Variants in FBXO11 observed in about 807,000 individuals in gnomAD.
FBXO11 encodes the protein F-box only protein 11.
Under a neutral mutation model 117.0 loss-of-function variants are expected in FBXO11, and 13 were observed. The ratio of observed to expected loss-of-function variants is 0.11; its 90% CI spans 0.07 to 0.18. The LOEUF is 0.18. FBXO11 is among the 10% of genes least tolerant of loss of function. The pLI, the probability that FBXO11 is intolerant of heterozygous loss-of-function variation, is 1.00. For synonymous variants in FBXO11, 490 were observed against 380.5 expected (o/e 1.29, Z -3.35); for missense variants, 767 against 1,164.4 (o/e 0.66, Z 4.97).
At chr2:47,877,152 C>A (rs900516650) in intron 1 of FBXO11, among the ~76,000 whole-genome samples, 5 of 151,822 alleles carry the variant, frequency 3.3e-5, no homozygotes, top group Non-Finnish European at 5.9e-5. Flanking sequence ...TCAGCCTCCT[C>A]AGTAGCATGG....
At chr2:47,855,507 A>G (rs1248608796) in intron 1 of FBXO11, among the ~76,000 whole-genome samples, 2 of 152,228 alleles carry the variant, frequency 1.3e-5, no homozygotes, top group African/African-American at 2.4e-5. Flanking sequence ...AGTGTACATA[A>G]GAAATTTCAA....
At chr2:47,832,516 G>A in intron 10 of FBXO11, 30 bp from the exon 11 acceptor site, 2 of 1,609,476 alleles carry the variant, frequency 1.2e-6, no homozygotes, top group Non-Finnish European at 1.7e-6. Context: ...ACAAACATCA[G>A]TAGAGCTTTT....
rs1038939116 is a variant in FBXO11, at chr2:47,906,486, C to A, written c.-766G>T. 2.0e-5 allele frequency among the ~76,000 whole-genome samples: 3 copies of A among 151,664 alleles called. No homozygotes were observed. The highest frequency in any genetic ancestry group is 6.6e-5 in the Admixed American group (1 of 15,262). On this transcript the variant is annotated 5_prime_UTR_variant, in exon 1 of 23. Transcript: ENST00000403359. ...GGAGGAGCCATTGACACCGCCGGAG[C>A]CTCCACTCGCCCAGTCGGTCCCTCC...
Position 47,870,213 on chromosome 2 carries a change from T to C in FBXO11, c.233-30444A>G, listed in dbSNP as rs144935394. On this transcript the variant is annotated intron_variant, in intron 1 of 22. Transcript: ENST00000403359. ...CTTCTCCAGAGAACCCTAATACACA[T>C]GGATTTTTAAATTAGTGTTATTGCT... Among the ~76,000 whole-genome samples the C allele has an allele frequency of 1.5e-3, 231 of 152,330 alleles. 1 individual carries two copies. The highest frequency in any genetic ancestry group is 5.2e-3 in the African/African-American group (217 of 41,578).
At chr2:47,882,423 G>A (rs1676499285) in intron 1 of FBXO11, among the ~76,000 whole-genome samples, 1 of 151,662 alleles carries the variant, frequency 6.6e-6, no homozygotes, top group Non-Finnish European at 1.5e-5. Flanking sequence ...CAATACGTAA[G>A]TTTCATCTCA....
At chr2:47,882,067 C>G (rs1039469041) in intron 1 of FBXO11, among the ~76,000 whole-genome samples, 11 of 152,042 alleles carry the variant, frequency 7.2e-5, no homozygotes, top group African/African-American at 2.4e-4. Flanking sequence ...GTCTTTATGT[C>G]TATATATAAA....
At chr2:47,860,300 A>G (rs1375483513) in intron 1 of FBXO11, among the ~76,000 whole-genome samples, 1 of 152,202 alleles carries the variant, frequency 6.6e-6, no homozygotes, top group Non-Finnish European at 1.5e-5. Context: ...AATCTCCAAC[A>G]GCCAGGGCAT....
At chr2:47,853,385 T>A (rs1388068009) in intron 1 of FBXO11, among the ~76,000 whole-genome samples, 2 of 152,108 alleles carry the variant, frequency 1.3e-5, no homozygotes, top group East Asian at 1.9e-4. Flanking sequence ...ATTAAAAAAA[T>A]AATAATAATA....
At chr2:47,836,975 TA>T in intron 4 of FBXO11, 2 of 381,894 alleles carry the variant, frequency 5.2e-6, no homozygotes, top group Non-Finnish European at 5.1e-6. Context: ...TGGGCTCAAG[TA>T]ATCTGCCCAC....
chr2:47,892,293 C>G (rs1486557869), intron 1 of FBXO11, among the ~76,000 whole-genome samples: 1 of 152,200 alleles, frequency 6.6e-6, no homozygotes, highest in Non-Finnish European at 1.5e-5. Context: ...ACCACCATCT[C>G]AAGATATTAG....
At position 47,806,935 on chromosome 2, in the gene FBXO11, C is replaced by CTTTA; in HGVS notation, c.*1179_*1182dup. 1 of 1,133,820 alleles carries CTTTA rather than the reference C, an allele frequency of 8.8e-7. No individual in the cohort carries two copies. Among genetic ancestry groups the CTTTA allele is most frequent in the South Asian group, 1.3e-5 (1 of 76,432 alleles). 70.2% of individuals were successfully genotyped at this position (1,133,820 alleles called of 1,614,324 possible). A position where few individuals can be genotyped will look rare whatever the true frequency, so the allele number is the denominator to read the frequency against. On this transcript the variant is annotated 3_prime_UTR_variant, in exon 23 of 23. Coordinates refer to ENST00000403359, the MANE Select transcript of FBXO11 (RefSeq NM_001190274.2). Reference sequence around the variant, plus strand: ...TCAGACAACATTATGATCTAATAAACTTTATTTTTTAAAAATGACCATTTT... The same window carrying CTTTA: ...TCAGACAACATTATGATCTAATAAACTTTATTTATTTTTTAAAAATGACCATTTT...
chr2:47,866,782 A>G (rs1289536259), intron 1 of FBXO11, among the ~76,000 whole-genome samples: 2 of 152,294 alleles, frequency 1.3e-5, no homozygotes, highest in Non-Finnish European at 2.9e-5. Flanking sequence ...TATGCTAGCA[A>G]GTTTTCCTAA....
chr2:47,890,952 G>C (rs1677216718), intron 1 of FBXO11, among the ~76,000 whole-genome samples: 1 of 151,896 alleles, frequency 6.6e-6, no homozygotes, highest in Admixed American at 6.6e-5. Context: ...TGAGCAGTTG[G>C]GACCACAGGC....
chr2:47,808,310 A>G lies in FBXO11; in HGVS notation c.2654+19T>C. 6.2e-7 allele frequency: 1 copy of G among 1,612,398 alleles called. No individual in the cohort carries two copies. Among genetic ancestry groups the G allele is most frequent in the South Asian group, 1.1e-5 (1 of 90,880 alleles). On this transcript the variant is annotated intron_variant, in intron 22 of 22. Transcript: ENST00000403359. ...GGGGAAAGTAATTGGGTAATATATC[A>G]AGCAAGTGTGCTACATACCTATCAT...
intron 1 of FBXO11, among the ~76,000 whole-genome samples, chr2:47,846,241 G>T (rs1210309951): frequency 6.6e-6 from 1 of 152,142 alleles, no homozygotes; most frequent in African/African-American, 2.4e-5. Flanking sequence ...GCCCAGGCGG[G>T]CAGATCATCT....
chr2:47,812,071 T>C (rs533015186), intron 18 of FBXO11, among the ~76,000 whole-genome samples: 5 of 152,292 alleles, frequency 3.3e-5, no homozygotes, highest in East Asian at 1.9e-4. Context: ...TCAAGTGCTA[T>C]TGCTAAGATG....
At position 47,880,568 on chromosome 2, in the gene FBXO11, C is replaced by A. The variant is rs1048024719; in HGVS notation, c.232+24921G>T. 3.9e-5 allele frequency among the ~76,000 whole-genome samples: 6 copies of A among 152,074 alleles called. 1 individual carries two copies. The South Asian group carries it at 1.2e-3, about 31-fold the overall frequency. ...GTTTCATTTGTTGAAGCTTGTTTGG[C>A]GTCTTTCACATAAACATTTCCTGCT... On this transcript the variant is annotated intron_variant, in intron 1 of 22. Coordinates refer to ENST00000403359, the MANE Select transcript of FBXO11 (RefSeq NM_001190274.2).
intron 1 of FBXO11, among the ~76,000 whole-genome samples, chr2:47,883,012 C>T (rs1676549775): frequency 1.3e-5 from 2 of 152,122 alleles, no homozygotes; most frequent in African/African-American, 4.8e-5. Flanking sequence ...TCCTGTTGCC[C>T]TGCCATCTCT....
rs113422265 is a variant in FBXO11 at position 47,829,923 on chromosome 2, C to A, written c.1398+2426G>T. Among the ~76,000 whole-genome samples, 33 of 151,982 alleles carry A rather than the reference C, an allele frequency of 2.2e-4. 1 individual carries two copies. Among genetic ancestry groups the A allele is most frequent in the African/African-American group, 7.7e-4 (32 of 41,438 alleles). ...ACACTATTCTCTCTACTTCAGTGTA[C>A]GTTAGAAATATTTCATTAAAAAAAT... On this transcript the variant is annotated intron_variant, in intron 11 of 22. Coordinates refer to ENST00000403359, the MANE Select transcript of FBXO11 (RefSeq NM_001190274.2).
Sources: allele counts gnomAD v4.1 joint callset (sites outside exome capture counted in the v4.1 genomes callset), GRCh38; gene constraint gnomAD v4.1.1; transcripts MANE v1.5; gene names NCBI Gene and HGNC (gene_info 2026-07-23, HGNC 2026-07-21).